Variants in VAV3 observed in about 807,000 individuals in gnomAD.
VAV3 encodes guanine nucleotide exchange factor VAV3.
A neutral mutation model predicts 131.2 loss-of-function variants in VAV3; 94 were observed. The observed-to-expected ratio is 0.72, with a 90% CI of 0.61 to 0.85. VAV3 has a LOEUF of 0.85. Ranked by LOEUF, VAV3 falls within the 40% of genes least tolerant of loss-of-function variation. The pLI, the probability that VAV3 is intolerant of heterozygous loss-of-function variation, is 0.00. For synonymous variants in VAV3, 349 were observed against 342.0 expected (o/e 1.02, Z -0.22); for missense variants, 939 against 1,002.7 (o/e 0.94, Z 0.86).
intron 7 of VAV3, among the ~76,000 whole-genome samples, chr1:107,767,032 C>T (rs1664770307): frequency 1.3e-5 from 2 of 152,034 alleles, no homozygotes; most frequent in Non-Finnish European, 2.9e-5. Context: ...TGTCCAAGTG[C>T]CTAATGTTTT....
intron 2 of VAV3, among the ~76,000 whole-genome samples, chr1:107,801,190 G>T (rs1361948403): frequency 3.9e-5 from 6 of 151,904 alleles, no homozygotes; most frequent in Admixed American, 3.3e-4. Context: ...TTGTTTCCAT[G>T]CCATGCTGAT....
At chr1:107,787,457 C>A (rs1435784681) in intron 2 of VAV3, among the ~76,000 whole-genome samples, 2 of 152,158 alleles carry the variant, frequency 1.3e-5, no homozygotes, top group Non-Finnish European at 2.9e-5. Flanking sequence ...GCCAGTTGCA[C>A]CCCTTCGTGG....
Position 107,845,732 on chromosome 1 carries a change from T to C in VAV3, c.321+29169A>G, listed in dbSNP as rs192233190. On this transcript the variant is annotated intron_variant, in intron 2 of 26. Coordinates refer to ENST00000370056, the MANE Select transcript of VAV3 (RefSeq NM_006113.5). ...AAGATCAACTTAATGAAATAAAGCA[T>C]GAACACAAGATTAGAGAAAAAAGAA... Among the ~76,000 whole-genome samples the C allele has an allele frequency of 3.6e-3, 541 of 151,906 alleles. 4 individuals carry two copies. The highest frequency in any genetic ancestry group is 0.012 in the African/African-American group (516 of 41,428).
At chr1:107,628,285 C>T (rs930150653) in intron 20 of VAV3, among the ~76,000 whole-genome samples, 23 of 152,118 alleles carry the variant, frequency 1.5e-4, no homozygotes, top group Admixed American at 1.2e-3. Context: ...TAAAAAAAAG[C>T]AAGTCACCTG....
At chr1:107,836,613 A>G (rs1276374132) in intron 2 of VAV3, among the ~76,000 whole-genome samples, 1 of 152,122 alleles carries the variant, frequency 6.6e-6, no homozygotes, top group African/African-American at 2.4e-5. Flanking sequence ...TACACATCTA[A>G]AAAGTCAACA....
intron 1 of VAV3, among the ~76,000 whole-genome samples, chr1:107,943,789 T>A (rs530305109): frequency 2.6e-5 from 4 of 152,334 alleles, no homozygotes; most frequent in African/African-American, 9.6e-5. Context: ...CAGTTTGAAG[T>A]CGTGGCCTAG....
intron 19 of VAV3, among the ~76,000 whole-genome samples, chr1:107,656,141 A>T (rs190215298): frequency 6.6e-6 from 1 of 152,330 alleles, no homozygotes; most frequent in East Asian, 1.9e-4. Context: ...TTCAATTGAT[A>T]CCTGCACTCC....
At chr1:107,856,704 T>G (rs949773898) in intron 2 of VAV3, among the ~76,000 whole-genome samples, 1 of 152,106 alleles carries the variant, frequency 6.6e-6, no homozygotes, top group Non-Finnish European at 1.5e-5. Flanking sequence ...GAGATTTTTG[T>G]TTTTTACTAC....
intron 20 of VAV3, among the ~76,000 whole-genome samples, chr1:107,625,254 CTT>C (rs11331254): frequency 0.011 from 1,391 of 124,294 alleles, 8 homozygotes; most frequent in Non-Finnish European, 0.017. Flanking sequence ...GTAATTTAAT[CTT>C]TTTTTTTTTT....
intron 15 of VAV3, among the ~76,000 whole-genome samples, chr1:107,740,524 T>C (rs774753492): frequency 2.7e-4 from 41 of 152,190 alleles, no homozygotes; most frequent in Admixed American, 2.6e-3. Flanking sequence ...TCCAGGTTTA[T>C]AGTTTTTTTT....
chr1:107,666,517 C>T (rs67028280), intron 19 of VAV3, among the ~76,000 whole-genome samples: 35,782 of 151,084 alleles, frequency 0.24, 4,626 homozygotes, highest in African/African-American at 0.33. Flanking sequence ...AGAAGATCAC[C>T]GTGGCTTCTG....
At chr1:107,619,851 A>T (rs1653437566) in intron 20 of VAV3, among the ~76,000 whole-genome samples, 1 of 152,184 alleles carries the variant, frequency 6.6e-6, no homozygotes. Flanking sequence ...TATGTTGGCC[A>T]ATGTAATGCT....
chr1:107,957,512 A>T (rs1316238396), intron 1 of VAV3, among the ~76,000 whole-genome samples: 3 of 152,222 alleles, frequency 2.0e-5, no homozygotes, highest in African/African-American at 7.2e-5. Flanking sequence ...TTTGGGATCC[A>T]GCAAGGTAGG....
intron 1 of VAV3, among the ~76,000 whole-genome samples, chr1:107,952,938 A>G (rs1674627551): frequency 6.6e-6 from 1 of 152,242 alleles, no homozygotes; most frequent in African/African-American, 2.4e-5. Flanking sequence ...TAATCAGACT[A>G]AAAAATAACA....
intron 19 of VAV3, among the ~76,000 whole-genome samples, chr1:107,682,528 G>C (rs1018782988): frequency 4.0e-5 from 6 of 151,854 alleles, no homozygotes; most frequent in African/African-American, 1.4e-4. Flanking sequence ...TTGTTCTGTA[G>C]TTAAAAGATT....
At chr1:107,733,307 T>C (rs1011897430) in intron 15 of VAV3, among the ~76,000 whole-genome samples, 2 of 151,976 alleles carry the variant, frequency 1.3e-5, no homozygotes, top group Non-Finnish European at 2.9e-5. Flanking sequence ...AAGCTGAAAA[T>C]TCTAAAAACC....
rs186366051 is a variant in VAV3 at position 107,660,485 on chromosome 1, C to G, written c.1778-17730G>C. On this transcript the variant is annotated intron_variant, in intron 19 of 26. Transcript: ENST00000370056. ...CTTCACAGAAAGAAAGACGGAAATACGCACCAGGCCAAGGCAGACCACTGG... is the reference window on the plus strand; with the variant it reads ...CTTCACAGAAAGAAAGACGGAAATAGGCACCAGGCCAAGGCAGACCACTGG... Among the ~76,000 whole-genome samples, 291 of 152,272 alleles carry G rather than the reference C, an allele frequency of 1.9e-3. 2 individuals are homozygous for G. The highest frequency in any genetic ancestry group is 6.8e-3 in the Middle Eastern group (2 of 294).
In VAV3 at chr1:107,964,929, G is replaced by T. The variant is rs528290139; in HGVS notation, c.-60C>A. On this transcript the variant is annotated 5_prime_UTR_variant, in exon 1 of 27. Coordinates refer to ENST00000370056, the MANE Select transcript of VAV3 (RefSeq NM_006113.5). ...GGGCGGCAAGGATGCGGCCGCCGCC[G>T]CCGCCGCCGCGGTTCCTCCGCGCCC... The T allele has an allele frequency of 1.6e-6, 2 of 1,214,874 alleles. No individual in the cohort carries two copies. The highest frequency in any genetic ancestry group is 4.0e-5 in the South Asian group (1 of 24,816). 75.3% of individuals were successfully genotyped at this position (1,214,874 alleles called of 1,614,324 possible).
At chr1:107,887,859 A>AT (rs1671112574) in intron 1 of VAV3, among the ~76,000 whole-genome samples, 1 of 152,006 alleles carries the variant, frequency 6.6e-6, no homozygotes, top group African/African-American at 2.4e-5. Context: ...CACCTCTTTA[A>AT]TTTTTCCAGT....
Sources: gnomAD v4.1 joint callset for allele counts (sites outside exome capture counted in the v4.1 genomes callset) on GRCh38, gnomAD v4.1.1 for gene constraint, MANE v1.5 for transcripts, NCBI Gene and HGNC (gene_info 2026-07-23, HGNC 2026-07-21) for gene names.